PHF20: variants seen among roughly 807,000 people sequenced by gnomAD.
PHF20 encodes the protein glioma-expressed antigen 2.
In PHF20, 23 loss-of-function variants were observed where a neutral mutation model predicts 113.5. The observed-to-expected ratio is 0.20, with a 90% CI of 0.15 to 0.29. The LOEUF is 0.29. Ranked by LOEUF, PHF20 falls within the 10% of genes least tolerant of loss-of-function variation. The probability of loss-of-function intolerance (pLI) is 1.00; values close to 1 mark genes in which losing one functional copy is unlikely to be tolerated. For synonymous variants in PHF20, 434 were observed against 457.3 expected (o/e 0.95, Z 0.65); for missense variants, 943 against 1,219.6 (o/e 0.77, Z 3.38).
intron 15 of PHF20, among the ~76,000 whole-genome samples, chr20:35,934,440 A>C (rs1295295978): frequency 6.6e-6 from 1 of 152,248 alleles, no homozygotes; most frequent in Non-Finnish European, 1.5e-5. Context: ...CCAGGATTCC[A>C]TCCGTTGGGT....
Position 35,947,945 on chromosome 20 carries a change from C to T in PHF20, c.*318C>T. 1 of 229,530 alleles carries T rather than the reference C, an allele frequency of 4.4e-6. No homozygotes were observed. The highest frequency in any genetic ancestry group is 8.6e-6 in the Non-Finnish European group (1 of 116,778). 14.2% of individuals were successfully genotyped at this position (229,530 alleles called of 1,614,324 possible). ...CCACTGATGATAAACGGAATGAGAG[C>T]CAAAAAAGTTTAGTTGGAGACAGTT... is the stretch of plus-strand genomic sequence containing the variant. On this transcript the variant is annotated 3_prime_UTR_variant, in exon 18 of 18. Coordinates refer to ENST00000374012, the MANE Select transcript of PHF20 (RefSeq NM_016436.5).
chr20:35,810,263 A>G (rs2041953389), intron 2 of PHF20, among the ~76,000 whole-genome samples: 1 of 152,122 alleles, frequency 6.6e-6, no homozygotes, highest in Admixed American at 6.6e-5. Context: ...AAGCCAAGCT[A>G]CAAGTCCTGG....
chr20:35,788,394 C>T (rs375668713), intron 1 of PHF20, among the ~76,000 whole-genome samples: 1 of 151,764 alleles, frequency 6.6e-6, no homozygotes, highest in Non-Finnish European at 1.5e-5. Context: ...CTGTGCCTGG[C>T]CTATTTTTTT....
At chr20:35,821,006 G>A (rs1363273305) in intron 2 of PHF20, among the ~76,000 whole-genome samples, 3 of 152,190 alleles carry the variant, frequency 2.0e-5, no homozygotes, top group East Asian at 3.9e-4. Flanking sequence ...AGGGTAGAGA[G>A]TGAGAGGCCA....
chr20:35,793,745 C>T (rs955037086), intron 1 of PHF20, among the ~76,000 whole-genome samples: 5 of 150,758 alleles, frequency 3.3e-5, no homozygotes, highest in East Asian at 3.9e-4. Context: ...TGCCTGTAAT[C>T]GCAGCACTTT....
intron 10 of PHF20, among the ~76,000 whole-genome samples, chr20:35,905,212 G>A (rs1201314466): frequency 2.0e-5 from 3 of 152,162 alleles, no homozygotes; most frequent in African/African-American, 4.8e-5. Flanking sequence ...CATAAACAAC[G>A]TGAGAAAGCT....
At position 35,948,408 on chromosome 20, in the gene PHF20, C is replaced by G. The variant is rs2056123327; in HGVS notation, c.*781C>G. ...ACCCACTTCTTAATATTGACAGCTT[C>G]CCCGTTCTATTTAATGTCCAAAAAT... is the stretch of plus-strand genomic sequence containing the variant. On this transcript the variant is annotated 3_prime_UTR_variant, in exon 18 of 18. Coordinates refer to ENST00000374012, the MANE Select transcript of PHF20 (RefSeq NM_016436.5). 1 of 152,630 alleles carries G rather than the reference C, an allele frequency of 6.6e-6. No homozygotes were observed. Among genetic ancestry groups the G allele is most frequent in the South Asian group, 2.1e-4 (1 of 4,830 alleles). The allele number at this position is 152,630 out of a possible 1,614,324, so 9.5% of individuals were successfully genotyped here. A position where few individuals can be genotyped will look rare whatever the true frequency, so the allele number is the denominator to read the frequency against.
intron 6 of PHF20, among the ~76,000 whole-genome samples, chr20:35,867,435 A>C (rs891900787): frequency 2.6e-5 from 4 of 151,790 alleles, no homozygotes; most frequent in Admixed American, 2.6e-4. Context: ...AATTTTTTGT[A>C]TGTTTAGTAG....
chr20:35,935,124 T>A lies in PHF20; in HGVS notation c.2301-3573T>A, dbSNP rs574877232. ...CCTCCCAAAGTGCTGGGGTTATAGG[T>A]GTAAGCCACTGTGTCTGGCTCATAT... On this transcript the variant is annotated intron_variant, in intron 15 of 17. Transcript: ENST00000374012. Among the ~76,000 whole-genome samples, 22 of 152,010 alleles carry A rather than the reference T, an allele frequency of 1.4e-4. No homozygotes were observed. In the East Asian group the frequency reaches 4.3e-3, roughly 30 times the overall value.
intron 1 of PHF20, among the ~76,000 whole-genome samples, chr20:35,791,809 T>C (rs1390970493): frequency 6.6e-6 from 1 of 150,786 alleles, no homozygotes; most frequent in Non-Finnish European, 1.5e-5. Flanking sequence ...GTGTGGGAGG[T>C]GAGGGAAGGA....
chr20:35,938,415 A>G (rs1333151032), intron 15 of PHF20, among the ~76,000 whole-genome samples: 1 of 152,136 alleles, frequency 6.6e-6, no homozygotes, highest in East Asian at 1.9e-4. Flanking sequence ...GGAAGTAGGA[A>G]TGATGCTGGT....
chr20:35,938,094 G>C lies in PHF20; in HGVS notation c.2301-603G>C, dbSNP rs552713311. Among the ~76,000 whole-genome samples, 22 of 151,950 alleles carry C rather than the reference G, an allele frequency of 1.4e-4. 1 individual carries two copies. Among genetic ancestry groups the C allele is most frequent in the Non-Finnish European group, 1.5e-4 (10 of 67,964 alleles). The stretch of plus-strand genomic sequence containing the variant: ...TCACCGTGTTAGCCAGGATGGTCTC[G>C]ATCTCCTGACCTCGTGATCCTCCTG... On this transcript the variant is annotated intron_variant, in intron 15 of 17. Coordinates refer to ENST00000374012, the MANE Select transcript of PHF20 (RefSeq NM_016436.5).
At chr20:35,828,677 A>AT (rs2042304949) in intron 2 of PHF20, among the ~76,000 whole-genome samples, 2 of 152,294 alleles carry the variant, frequency 1.3e-5, no homozygotes, top group South Asian at 4.1e-4. Context: ...ACATGGAGTC[A>AT]TGCCAGCAGT....
chr20:35,943,228 A>G (rs2056021073), intron 17 of PHF20, among the ~76,000 whole-genome samples: 1 of 152,080 alleles, frequency 6.6e-6, no homozygotes, highest in South Asian at 2.1e-4. Context: ...CACACGTATA[A>G]TCCTAGCTAC....
chr20:35,932,392 T>G lies in PHF20; in HGVS notation c.2300+948T>G, dbSNP rs1055938104. Among the ~76,000 whole-genome samples, 94 of 150,458 alleles carry G rather than the reference T, an allele frequency of 6.2e-4. 1 individual carries two copies. Among genetic ancestry groups the G allele is most frequent in the Non-Finnish European group, 1.2e-3 (79 of 67,744 alleles). On this transcript the variant is annotated intron_variant, in intron 15 of 17. Transcript: ENST00000374012. ...CTGAGTTATTTGTTTTTAATTGCTG[T>G]AAGATATACATAATATAAAATTTAC...
chr20:35,780,551 C>CTT (rs71184082), intron 1 of PHF20, among the ~76,000 whole-genome samples: 1 of 115,508 alleles, frequency 8.7e-6, no homozygotes, highest in Non-Finnish European at 1.8e-5. Context: ...TTTTTCTTTT[C>CTT]TTTTTTTTTT....
chr20:35,831,497 T>C (rs951710598), intron 2 of PHF20, among the ~76,000 whole-genome samples: 1 of 152,184 alleles, frequency 6.6e-6, no homozygotes, highest in Non-Finnish European at 1.5e-5. Flanking sequence ...GGTCTCACTT[T>C]CTTGCCCAGG....
At chr20:35,833,062 A>T (rs2146922948) in intron 2 of PHF20, among the ~76,000 whole-genome samples, 1 of 151,824 alleles carries the variant, frequency 6.6e-6, no homozygotes, top group East Asian at 1.9e-4. Flanking sequence ...AAAAAAAAAA[A>T]AAAAAAAAAG....
chr20:35,802,955 A>T (rs2041809567), intron 2 of PHF20, among the ~76,000 whole-genome samples: 1 of 131,206 alleles, frequency 7.6e-6, no homozygotes, highest in Non-Finnish European at 1.6e-5. Flanking sequence ...AAAAAAAAAA[A>T]AGAATTAGGT....
Sources: allele counts gnomAD v4.1 joint callset (sites outside exome capture counted in the v4.1 genomes callset), GRCh38; gene constraint gnomAD v4.1.1; transcripts MANE v1.5; gene names NCBI Gene and HGNC (gene_info 2026-07-23, HGNC 2026-07-21).